RLF: variants seen among roughly 807,000 people sequenced by gnomAD.
RLF encodes the protein RLF zinc finger.
In RLF, 7 loss-of-function variants were observed where a neutral mutation model predicts 162.9. The ratio of observed to expected loss-of-function variants is 0.04; its 90% CI spans 0.02 to 0.08. RLF has a LOEUF of 0.08. RLF is among the 10% of genes least tolerant of loss of function. The pLI is 1.00. For synonymous variants in RLF, 782 were observed against 791.5 expected (o/e 0.99, Z 0.20); for missense variants, 1,664 against 2,244.7 (o/e 0.74, Z 5.23).
At chr1:40,184,839 A>G (rs1288947803) in intron 1 of RLF, among the ~76,000 whole-genome samples, 1 of 152,190 alleles carries the variant, frequency 6.6e-6, no homozygotes, top group Non-Finnish European at 1.5e-5. Context: ...GAAACAAAAG[A>G]GAGAGGTCAT....
At chr1:40,200,889 C>T (rs918243492) in intron 4 of RLF, among the ~76,000 whole-genome samples, 17 of 104,838 alleles carry the variant, frequency 1.6e-4, no homozygotes, top group African/African-American at 8.0e-4. Context: ...CACACACACA[C>T]ACACACACAC....
At chr1:40,192,576 T>C (rs1336868616) in intron 3 of RLF, among the ~76,000 whole-genome samples, 1 of 152,208 alleles carries the variant, frequency 6.6e-6, no homozygotes, top group African/African-American at 2.4e-5. Flanking sequence ...CTTAGCTTGC[T>C]TGAATAAAAT....
Position 40,239,476 on chromosome 1 carries a change from G to T in RLF, c.4774G>T (p.Val1592Phe), listed in dbSNP as rs772598854. 6.2e-7 allele frequency: 1 copy of T among 1,613,968 alleles called. No homozygotes were observed. Among genetic ancestry groups the T allele is most frequent in the Admixed American group, 1.7e-5 (1 of 60,018 alleles). The change falls in exon 8 of 8, where the codon GTT becomes TTT. Residue 1592 changes from valine to phenylalanine, a missense_variant. Around this residue, in one of 15 missense-constraint regions of RLF, gnomAD observed 327 missense variants for 342.7 expected, o/e 0.95. Transcript: ENST00000372771. ...EQQMENLVVC[V>F]KYGTKIKEEP... ...ACAGATGGAGAATCTTGTTGTTTGC[G>T]TTAAGTACGGTACCAAAATTAAGGA...
chr1:40,183,150 G>A (rs1557741532), intron 1 of RLF, among the ~76,000 whole-genome samples: 3 of 151,920 alleles, frequency 2.0e-5, no homozygotes, highest in South Asian at 2.1e-4. Context: ...ACTTTTGCTC[G>A]TACTTCAGAG....
chr1:40,170,728 T>C (rs1642232731), intron 1 of RLF, among the ~76,000 whole-genome samples: 1 of 152,216 alleles, frequency 6.6e-6, no homozygotes, highest in African/African-American at 2.4e-5. Flanking sequence ...GGGATTAAAT[T>C]ATGTGTATTT....
intron 3 of RLF, among the ~76,000 whole-genome samples, chr1:40,194,501 G>A (rs577813761): frequency 8.6e-5 from 13 of 151,800 alleles, no homozygotes; most frequent in Admixed American, 3.3e-4. Flanking sequence ...TTAGCCAGGC[G>A]TGGTGGCAGG....
chr1:40,200,274 C>A (rs897038022), intron 4 of RLF, among the ~76,000 whole-genome samples: 1 of 152,126 alleles, frequency 6.6e-6, no homozygotes, highest in Non-Finnish European at 1.5e-5. Flanking sequence ...TAAATTGGTA[C>A]AATTTTTGGA....
chr1:40,167,683 C>T (rs1642186037), intron 1 of RLF, among the ~76,000 whole-genome samples: 2 of 151,402 alleles, frequency 1.3e-5, no homozygotes, highest in Admixed American at 1.3e-4. Context: ...TCCCTATTGC[C>T]TTTCACCTCT....
chr1:40,188,421 A>G (rs1285882737), intron 1 of RLF, among the ~76,000 whole-genome samples: 1 of 152,220 alleles, frequency 6.6e-6, no homozygotes, highest in East Asian at 1.9e-4. Context: ...TAAGAGGACT[A>G]TTCCCCCCAT....
In RLF at chr1:40,238,432, T is replaced by C. The variant is rs1260618429; in HGVS notation, c.3730T>C (p.Cys1244Arg). ...CAGTAGTAACTCTGAGAAACCACAC[T>C]GTCATCCTAAAAAGGATGAATGTAG... ...DPSSNSEKPHCHPKKDECSSE... is the reference protein window; with the variant it reads ...DPSSNSEKPHRHPKKDECSSE... The change falls in exon 8 of 8, where the codon TGT becomes CGT. Residue 1244 changes from cysteine (C) to arginine (R), a missense_variant. Coordinates refer to ENST00000372771, the MANE Select transcript of RLF (RefSeq NM_012421.4). The surrounding 1 kb of genome is among the most constrained non-coding windows in gnomAD (Gnocchi z 5.2). The C allele has an allele frequency of 6.2e-7, 1 of 1,614,110 alleles. No homozygotes were observed. Among genetic ancestry groups the C allele is most frequent in the Non-Finnish European group, 8.5e-7 (1 of 1,179,992 alleles).
At chr1:40,183,374 C>A (rs369649864) in intron 1 of RLF, among the ~76,000 whole-genome samples, 3 of 152,294 alleles carry the variant, frequency 2.0e-5, no homozygotes, top group African/African-American at 7.2e-5. Context: ...AAAAGAAACA[C>A]TAGCTATCTT....
At chr1:40,234,335 T>C (rs1484824119) in intron 7 of RLF, among the ~76,000 whole-genome samples, 10 of 152,166 alleles carry the variant, frequency 6.6e-5, no homozygotes, top group African/African-American at 2.4e-4. Flanking sequence ...GTTTTTTGTC[T>C]ATAAAATGAG....
At chr1:40,204,252 T>C (rs1398837046) in intron 5 of RLF, among the ~76,000 whole-genome samples, 1 of 151,766 alleles carries the variant, frequency 6.6e-6, no homozygotes, top group East Asian at 1.9e-4. Flanking sequence ...CCTGACCTCA[T>C]GATCCACACG....
chr1:40,189,457 T>C (rs1049284867), intron 2 of RLF, among the ~76,000 whole-genome samples: 1 of 152,170 alleles, frequency 6.6e-6, no homozygotes, highest in Non-Finnish European at 1.5e-5. Context: ...CTGAGAATGA[T>C]ATATTTCTAT....
chr1:40,207,387 C>T (rs1642810334), intron 5 of RLF, among the ~76,000 whole-genome samples: 1 of 152,062 alleles, frequency 6.6e-6, no homozygotes, highest in South Asian at 2.1e-4. Flanking sequence ...TTTTATATTT[C>T]TCTCTCTCAG....
In RLF at chr1:40,238,412, G is replaced by T; in HGVS notation, c.3710G>T (p.Ser1237Ile). The change falls in exon 8 of 8, where the codon AGT becomes ATT. Residue 1237 changes from serine to isoleucine, a missense_variant. Physicochemically the swap from Ser to Ile is moderately radical, Grantham distance 142. Around this residue, in one of 15 missense-constraint regions of RLF, gnomAD observed 102 missense variants for 109.5 expected, o/e 0.93. Coordinates refer to ENST00000372771, the MANE Select transcript of RLF (RefSeq NM_012421.4). The surrounding 1 kb of genome is among the most constrained non-coding windows in gnomAD (Gnocchi z 5.2). The part of the protein sequence containing the change: ...CSAELGGDPS[S>I]NSEKPHCHPK... ...GCAGAACTTGGAGGTGATCCCAGTAGTAACTCTGAGAAACCACACTGTCAT... is the reference window on the plus strand; with the variant it reads ...GCAGAACTTGGAGGTGATCCCAGTATTAACTCTGAGAAACCACACTGTCAT... The T allele has an allele frequency of 6.2e-7, 1 of 1,614,094 alleles. No homozygotes were observed. The highest frequency in any genetic ancestry group is 1.1e-5 in the South Asian group (1 of 91,082).
rs964097764 is a variant in RLF at position 40,164,520 on chromosome 1, A to G, written c.237+2884A>G. 2.0e-5 allele frequency among the ~76,000 whole-genome samples: 3 copies of G among 152,206 alleles called. No individual in the cohort carries two copies. The South Asian group carries it at 6.2e-4, about 31-fold the overall frequency. The stretch of plus-strand genomic sequence containing the variant: ...CAGTGAAAATTGGTATTAAGTGACT[A>G]TGGGATGTGGTTTGTTTTCCTCTTT... On this transcript the variant is annotated intron_variant, in intron 1 of 7. Transcript: ENST00000372771.
chr1:40,197,023 A>G (rs1037631102), intron 4 of RLF, among the ~76,000 whole-genome samples: 2 of 152,168 alleles, frequency 1.3e-5, no homozygotes, highest in African/African-American at 2.4e-5. Flanking sequence ...ACATTTTGAG[A>G]TATCTTTAGG....
intron 1 of RLF, among the ~76,000 whole-genome samples, chr1:40,171,616 G>A (rs1642246170): frequency 6.6e-6 from 1 of 152,022 alleles, no homozygotes; most frequent in African/African-American, 2.4e-5. Flanking sequence ...CAAAACTAGT[G>A]GATGCTCATT....
Sources: allele counts gnomAD v4.1 joint callset (sites outside exome capture counted in the v4.1 genomes callset), GRCh38; gene constraint gnomAD v4.1.1; regional missense constraint gnomAD v4.1.1; non-coding constraint Gnocchi (gnomAD v3.1); transcripts MANE v1.5; gene names NCBI Gene and HGNC (gene_info 2026-07-23, HGNC 2026-07-21).